PLCB1: variants seen among roughly 807,000 people sequenced by gnomAD.
PLCB1 encodes 1-phosphatidylinositol 4,5-bisphosphate phosphodiesterase beta-1.
PLCB1 carries 46 observed loss-of-function variants against 161.8 expected under a neutral mutation model. The ratio of observed to expected loss-of-function variants is 0.28; its 90% CI spans 0.22 to 0.36. The LOEUF is 0.36. Ranked by LOEUF, PLCB1 falls within the 10% of genes least tolerant of loss-of-function variation. The probability of loss-of-function intolerance (pLI) is 1.00; values close to 1 mark genes in which losing one functional copy is unlikely to be tolerated. For synonymous variants in PLCB1, 517 were observed against 503.7 expected (o/e 1.03, Z -0.35); for missense variants, 1,016 against 1,472.5 (o/e 0.69, Z 5.07).
intron 3 of PLCB1, among the ~76,000 whole-genome samples, chr20:8,563,149 G>T (rs939339532): frequency 6.6e-6 from 1 of 152,032 alleles, no homozygotes; most frequent in African/African-American, 2.4e-5. Context: ...AATTGGAGTA[G>T]TCCTTGTGTG....
chr20:8,410,458 G>A (rs933961684), intron 3 of PLCB1, among the ~76,000 whole-genome samples: 2 of 151,860 alleles, frequency 1.3e-5, no homozygotes, highest in Non-Finnish European at 2.9e-5. Context: ...TGTCTTTCTA[G>A]TGAGTGTTCC....
intron 2 of PLCB1, among the ~76,000 whole-genome samples, chr20:8,168,990 T>C (rs2051704908): frequency 6.6e-6 from 1 of 152,178 alleles, no homozygotes; most frequent in African/African-American, 2.4e-5. Context: ...AAAAGTTTGG[T>C]AGATTTTGTC....
At chr20:8,258,223 T>A (rs1212645724) in intron 2 of PLCB1, among the ~76,000 whole-genome samples, 4 of 152,200 alleles carry the variant, frequency 2.6e-5, no homozygotes, top group Non-Finnish European at 2.9e-5. Flanking sequence ...TATTCTTTAT[T>A]TGGTGGTTTC....
intron 2 of PLCB1, among the ~76,000 whole-genome samples, chr20:8,292,909 G>T (rs1163859637): frequency 2.0e-5 from 3 of 152,136 alleles, no homozygotes; most frequent in Admixed American, 1.3e-4. Flanking sequence ...TACCACTGCT[G>T]TACCCAGAAC....
intron 3 of PLCB1, among the ~76,000 whole-genome samples, chr20:8,418,434 T>C (rs961545129): frequency 2.0e-5 from 3 of 152,174 alleles, no homozygotes; most frequent in African/African-American, 7.2e-5. Flanking sequence ...TGCAGATTTG[T>C]CCTAAACAGG....
intron 11 of PLCB1, among the ~76,000 whole-genome samples, chr20:8,702,191 A>T (rs1978405041): frequency 6.6e-6 from 1 of 152,176 alleles, no homozygotes; most frequent in Admixed American, 6.5e-5. Flanking sequence ...TTTGTTTTGT[A>T]GTCTGGCTTT....
chr20:8,217,063 G>C (rs1286787273), intron 2 of PLCB1, among the ~76,000 whole-genome samples: 1 of 148,556 alleles, frequency 6.7e-6, no homozygotes, highest in Non-Finnish European at 1.5e-5. Context: ...TGGGTACTGT[G>C]ATGAAGCCTT....
intron 2 of PLCB1, among the ~76,000 whole-genome samples, chr20:8,156,361 T>C (rs2123042344): frequency 6.6e-6 from 1 of 152,324 alleles, no homozygotes; most frequent in South Asian, 2.1e-4. Context: ...GTTCCCCTTA[T>C]GGGCTTCCTT....
At chr20:8,309,583 A>G (rs1424466000) in intron 2 of PLCB1, among the ~76,000 whole-genome samples, 3 of 152,226 alleles carry the variant, frequency 2.0e-5, no homozygotes, top group Non-Finnish European at 4.4e-5. Flanking sequence ...AAGTCCCATG[A>G]TGACCTAGTC....
intron 2 of PLCB1, among the ~76,000 whole-genome samples, chr20:8,260,379 A>G (rs1179842539): frequency 2.0e-5 from 3 of 151,834 alleles, no homozygotes; most frequent in Non-Finnish European, 4.4e-5. Context: ...ACCACTGCAC[A>G]TGGCCTACCA....
intron 23 of PLCB1, among the ~76,000 whole-genome samples, chr20:8,750,376 C>A (rs1981392790): frequency 6.6e-6 from 1 of 152,188 alleles, no homozygotes; most frequent in Non-Finnish European, 1.5e-5. Flanking sequence ...CTGGTAGACT[C>A]TTCAAAATTA....
intron 31 of PLCB1, among the ~76,000 whole-genome samples, chr20:8,838,277 GT>G (rs974445558): frequency 3.3e-5 from 5 of 152,128 alleles, no homozygotes; most frequent in South Asian, 2.1e-4. Context: ...GACCTATGGT[GT>G]TTTACCAGGT....
At chr20:8,497,844 G>C (rs898891173) in intron 3 of PLCB1, among the ~76,000 whole-genome samples, 4 of 152,098 alleles carry the variant, frequency 2.6e-5, no homozygotes, top group Non-Finnish European at 5.9e-5. Context: ...CATGCAAGAA[G>C]CTCATTAACT....
chr20:8,875,522 T>C (rs141687543), intron 31 of PLCB1, among the ~76,000 whole-genome samples: 3,719 of 147,718 alleles, frequency 0.025, 158 homozygotes, highest in African/African-American at 0.087. Flanking sequence ...TATATATAAA[T>C]ATAATATATT....
chr20:8,303,225 A>C (rs1983986572), intron 2 of PLCB1, among the ~76,000 whole-genome samples: 1 of 152,114 alleles, frequency 6.6e-6, no homozygotes, highest in South Asian at 2.1e-4. Flanking sequence ...CTTGTTACCT[A>C]TTCTTTGTAT....
In PLCB1 at chr20:8,302,556, T is replaced by C. The variant is rs1261828153; in HGVS notation, c.178-68826T>C. ...CTTTAGCTATTTAAAACTTTGGCTT[T>C]CAATTAGAAATTTGATAGCAATGCA... On this transcript the variant is annotated intron_variant, in intron 2 of 31. Coordinates refer to ENST00000338037, the MANE Select transcript of PLCB1 (RefSeq NM_015192.4). 2.0e-5 allele frequency among the ~76,000 whole-genome samples: 3 copies of C among 152,234 alleles called. No individual in the cohort carries two copies. In the East Asian group the frequency reaches 5.8e-4, roughly 29 times the overall value.
chr20:8,297,892 G>GT (rs749268293), intron 2 of PLCB1, among the ~76,000 whole-genome samples: 5,385 of 132,564 alleles, frequency 0.041, 120 homozygotes, highest in Non-Finnish European at 0.046. Flanking sequence ...TTCTTTTTGG[G>GT]TTTTTTTTTT....
chr20:8,843,375 A>T (rs565602705), intron 31 of PLCB1, among the ~76,000 whole-genome samples: 2 of 152,304 alleles, frequency 1.3e-5, no homozygotes, highest in Non-Finnish European at 2.9e-5. Flanking sequence ...GCTTTGGCAA[A>T]TTTTATTTTT....
At chr20:8,520,167 T>G (rs1222838713) in intron 3 of PLCB1, among the ~76,000 whole-genome samples, 1 of 152,224 alleles carries the variant, frequency 6.6e-6, no homozygotes, top group East Asian at 1.9e-4. Context: ...TCTTCCTAGC[T>G]TTTTAACTTA....
Sources: gnomAD v4.1 joint callset for allele counts (sites outside exome capture counted in the v4.1 genomes callset) on GRCh38, gnomAD v4.1.1 for gene constraint, MANE v1.5 for transcripts, NCBI Gene and HGNC (gene_info 2026-07-23, HGNC 2026-07-21) for gene names.